The following TJP1 variants were observed in gnomAD, a reference collection of about 807,000 sequenced individuals.
TJP1 encodes tight junction protein 1.
In TJP1, 43 loss-of-function variants were observed where a neutral mutation model predicts 194.2. The observed-to-expected ratio is 0.22, with a 90% CI of 0.17 to 0.29. TJP1 has a LOEUF of 0.29. TJP1 is among the 10% of genes least tolerant of loss of function. The pLI, the probability that TJP1 is intolerant of heterozygous loss-of-function variation, is 1.00. For synonymous variants in TJP1, 801 were observed against 779.0 expected (o/e 1.03, Z -0.47); for missense variants, 1,971 against 2,185.7 (o/e 0.90, Z 1.96).
intron 4 of TJP1, among the ~76,000 whole-genome samples, chr15:29,769,782 G>C (rs1472537865): frequency 6.6e-6 from 1 of 152,162 alleles, no homozygotes; most frequent in Admixed American, 6.5e-5. Flanking sequence ...GCTGCCAGTG[G>C]AATAGAAGTG....
At chr15:29,878,587 C>A (rs1386976004) in intron 2 of TJP1, among the ~76,000 whole-genome samples, 1 of 151,908 alleles carries the variant, frequency 6.6e-6, no homozygotes, top group Non-Finnish European at 1.5e-5. Flanking sequence ...GAATAGAAAT[C>A]TGCAAAATTA....
chr15:29,806,157 T>C (rs1377322156), intron 1 of TJP1, among the ~76,000 whole-genome samples: 2 of 152,110 alleles, frequency 1.3e-5, no homozygotes, highest in Non-Finnish European at 2.9e-5. Flanking sequence ...AGAAAGTTAG[T>C]GAGAAGTGTG....
intron 2 of TJP1, among the ~76,000 whole-genome samples, chr15:29,921,813 T>C (rs2054368977): frequency 6.6e-6 from 1 of 152,058 alleles, no homozygotes; most frequent in African/African-American, 2.4e-5. Flanking sequence ...GCATATTTGC[T>C]TCATTATCCC....
intron 18 of TJP1, among the ~76,000 whole-genome samples, chr15:29,721,680 A>C (rs2042937178): frequency 6.6e-6 from 1 of 152,230 alleles, no homozygotes; most frequent in South Asian, 2.1e-4. Flanking sequence ...TGGAGGGCTC[A>C]AGAGAAGACA....
At chr15:29,874,824 CA>C (rs1379402124) in intron 2 of TJP1, among the ~76,000 whole-genome samples, 6 of 152,150 alleles carry the variant, frequency 3.9e-5, no homozygotes, top group Admixed American at 3.9e-4. Context: ...CGTAAATTGA[CA>C]AATGTCACAC....
At chr15:29,877,814 C>T (rs563467442) in intron 2 of TJP1, among the ~76,000 whole-genome samples, 126 of 150,952 alleles carry the variant, frequency 8.3e-4, no homozygotes, top group African/African-American at 2.7e-3. Context: ...ATTACAGGCG[C>T]GTGCCATCAC....
chr15:29,950,293 C>CTCCACT (rs2055692827), intron 2 of TJP1, among the ~76,000 whole-genome samples: 2 of 150,440 alleles, frequency 1.3e-5, no homozygotes, highest in Admixed American at 1.3e-4. Context: ...CCTTCACCAC[C>CTCCACT]GCTACCTCCA....
chr15:29,820,491 C>T (rs1309924716), intron 1 of TJP1: 7 of 715,878 alleles, frequency 9.8e-6, no homozygotes, highest in Non-Finnish European at 5.2e-6. Context: ...CCATACAAAT[C>T]TCAATACTAT....
intron 5 of TJP1, among the ~76,000 whole-genome samples, chr15:29,763,857 G>A (rs1303011920): frequency 6.6e-6 from 1 of 152,050 alleles, no homozygotes; most frequent in Non-Finnish European, 1.5e-5. Flanking sequence ...GAATCAGGGT[G>A]AAGAAAACGG....
intron 1 of TJP1, among the ~76,000 whole-genome samples, chr15:29,802,923 A>G (rs1204368017): frequency 1.3e-5 from 2 of 152,188 alleles, no homozygotes; most frequent in Non-Finnish European, 2.9e-5. Flanking sequence ...ACAGTTCATC[A>G]TCCTCTCTAA....
intron 2 of TJP1, among the ~76,000 whole-genome samples, chr15:29,787,326 G>A (rs1274553999): frequency 6.6e-6 from 1 of 152,148 alleles, no homozygotes; most frequent in African/African-American, 2.4e-5. Flanking sequence ...AAGTATAAGA[G>A]CTTAAACTCT....
At chr15:29,807,250 A>AT (rs2049171030) in intron 1 of TJP1, among the ~76,000 whole-genome samples, 1 of 152,332 alleles carries the variant, frequency 6.6e-6, no homozygotes, top group African/African-American at 2.4e-5. Context: ...TGCTAAAAAC[A>AT]TTAAGTTCAC....
At position 29,727,969 on chromosome 15, in the gene TJP1, G is replaced by T; in HGVS notation, c.2068C>A (p.Arg690Ser). ...GTDQRSSGIIRLHTIKQIIDQ... is the reference protein window; with the variant it reads ...GTDQRSSGIISLHTIKQIIDQ... Reference sequence around the variant, plus strand: ...ATGATTTGCTTTATTGTATGCAGGCGAATAATGCCAGAGCTACGTTGGTCA... The same window carrying T: ...ATGATTTGCTTTATTGTATGCAGGCTAATAATGCCAGAGCTACGTTGGTCA... Residue 690 changes from arginine (R) to serine (S), a missense_variant, in exon 16 of 28, where the codon CGC becomes AGC. Coordinates refer to ENST00000614355, the MANE Select transcript of TJP1 (RefSeq NM_001330239.4). 6.2e-7 allele frequency: 1 copy of T among 1,614,014 alleles called. No individual in the cohort carries two copies. The highest frequency in any genetic ancestry group is 8.5e-7 in the Non-Finnish European group (1 of 1,179,976).
chr15:29,800,677 A>G lies in TJP1; in HGVS notation c.53T>C (p.Ile18Thr). 2 of 1,613,928 alleles carry G rather than the reference A, an allele frequency of 1.2e-6. No homozygotes were observed. The highest frequency in any genetic ancestry group is 1.7e-6 in the Non-Finnish European group (2 of 1,179,952). The change falls in exon 2 of 28, where the codon ATA (isoleucine) becomes ACA (threonine). Residue 18 changes from isoleucine to threonine, a missense_variant. Around this residue, in one of 5 missense-constraint regions of TJP1, gnomAD observed 245 missense variants for 336.6 expected, o/e 0.73. Transcript: ENST00000614355. ...AAGCGTCACTGTATGTTGTTCCCATATAGCTGTTTCCTCCATTGCTGTGCT... is the reference window on the plus strand; with the variant it reads ...AAGCGTCACTGTATGTTGTTCCCATGTAGCTGTTTCCTCCATTGCTGTGCT... ...AKSTAMEETA[I>T]WEQHTVTLHR...
At chr15:29,909,074 A>G (rs557274741) in intron 2 of TJP1, among the ~76,000 whole-genome samples, 20 of 151,302 alleles carry the variant, frequency 1.3e-4, no homozygotes, top group South Asian at 6.3e-4. Flanking sequence ...GGAGAATGGC[A>G]TGAACCCAGG....
chr15:29,812,290 T>C (rs1278834086), intron 1 of TJP1, among the ~76,000 whole-genome samples: 1 of 152,252 alleles, frequency 6.6e-6, no homozygotes, highest in Admixed American at 6.5e-5. Flanking sequence ...AATAATCCAT[T>C]AATGTACATT....
intron 2 of TJP1, among the ~76,000 whole-genome samples, chr15:29,945,803 A>ACG (rs1421435830): frequency 2.3e-4 from 22 of 94,364 alleles, no homozygotes; most frequent in Non-Finnish European, 4.5e-4. Context: ...ACACACACGC[A>ACG]CACACACAGA....
chr15:29,905,680 T>C (rs1319137298), intron 2 of TJP1, among the ~76,000 whole-genome samples: 1 of 152,222 alleles, frequency 6.6e-6, no homozygotes, highest in African/African-American at 2.4e-5. Flanking sequence ...GAATATTATT[T>C]AGCAATACAA....
intron 1 of TJP1, among the ~76,000 whole-genome samples, chr15:29,820,210 A>G (rs932290603): frequency 1.9e-4 from 29 of 150,102 alleles, no homozygotes; most frequent in Admixed American, 1.0e-3. Flanking sequence ...AAACAAACGC[A>G]TCATATGTAA....
Sources: allele counts gnomAD v4.1 joint callset (sites outside exome capture counted in the v4.1 genomes callset), GRCh38; gene constraint gnomAD v4.1.1; regional missense constraint gnomAD v4.1.1; transcripts MANE v1.5; gene names NCBI Gene and HGNC (gene_info 2026-07-23, HGNC 2026-07-21).